The following VPS50 variants were observed in gnomAD, a reference collection of about 807,000 sequenced individuals.
The protein encoded by VPS50 is syndetin.
VPS50 carries 70 observed loss-of-function variants against 139.7 expected under a neutral mutation model. The ratio of observed to expected loss-of-function variants is 0.50; its 90% CI spans 0.41 to 0.61. VPS50 has a LOEUF of 0.61. Ranked by LOEUF, VPS50 falls within the 20% of genes least tolerant of loss-of-function variation. The pLI is 0.00. For synonymous variants in VPS50, 365 were observed against 376.7 expected (o/e 0.97, Z 0.36); for missense variants, 921 against 1,133.7 (o/e 0.81, Z 2.69).
Position 93,359,762 on chromosome 7 carries a change from G to T in VPS50, c.*1326G>T, listed in dbSNP as rs1798796661. On this transcript the variant is annotated 3_prime_UTR_variant, in exon 28 of 28. Transcript: ENST00000305866. ...ACAGAATGGCATGTGATCAAGCATG[G>T]AGGTGATAAGGAAACAATTGCTACT... 1 of 152,180 alleles carries T rather than the reference G, an allele frequency of 6.6e-6. No homozygotes were observed. Among genetic ancestry groups the T allele is most frequent in the Non-Finnish European group, 1.5e-5 (1 of 68,026 alleles). The allele number at this position is 152,180 out of a possible 1,614,324, so 9.4% of individuals were successfully genotyped here.
chr7:93,284,012 G>A (rs1479959018), intron 12 of VPS50, among the ~76,000 whole-genome samples: 1 of 152,122 alleles, frequency 6.6e-6, no homozygotes, highest in Non-Finnish European at 1.5e-5. Context: ...GGGTGTTCCA[G>A]GTCTGGCAAG....
chr7:93,350,143 C>A, intron 25 of VPS50, 110 bp downstream of exon 25: 2 of 657,244 alleles, frequency 3.0e-6, no homozygotes, highest in Non-Finnish European at 4.8e-6. Context: ...ACATTTCTAG[C>A]ATTGTGGTAT....
chr7:93,257,673 C>T (rs1161073327), intron 6 of VPS50: 4 of 382,486 alleles, frequency 1.0e-5, no homozygotes, highest in Non-Finnish European at 1.8e-5. Flanking sequence ...TAAAAAATTA[C>T]TATTTTTATA....
intron 20 of VPS50, chr7:93,320,612 G>C (rs1474822220): frequency 6.6e-6 from 1 of 152,350 alleles, no homozygotes; most frequent in Admixed American, 6.5e-5. Flanking sequence ...TGATCCGCCC[G>C]CCTCGGCCTC....
Position 93,323,748 on chromosome 7 carries a change from G to A in VPS50, c.1977+16G>A, listed in dbSNP as rs963922184. 3.7e-6 allele frequency: 5 copies of A among 1,354,626 alleles called. No individual in the cohort carries two copies. In the South Asian group the frequency reaches 6.2e-5, roughly 17 times the overall value. 83.9% of individuals were successfully genotyped at this position (1,354,626 alleles called of 1,614,324 possible). A position where few individuals can be genotyped will look rare whatever the true frequency, so the allele number is the denominator to read the frequency against. Reference sequence around the variant, plus strand: ...GAATGATTCAGTAAGTCCACCTTTAGAGGGAAAAAAATCTTTCTTTTAAAA... The same window carrying A: ...GAATGATTCAGTAAGTCCACCTTTAAAGGGAAAAAAATCTTTCTTTTAAAA... On this transcript the variant is annotated intron_variant, in intron 21 of 27. Transcript: ENST00000305866.
chr7:93,245,641 C>A (rs1795127716), intron 2 of VPS50, among the ~76,000 whole-genome samples: 1 of 151,752 alleles, frequency 6.6e-6, no homozygotes, highest in South Asian at 2.1e-4. Context: ...ATCCAATAAC[C>A]TTTTATTAAA....
chr7:93,290,058 C>T (rs972247221), intron 12 of VPS50, among the ~76,000 whole-genome samples: 1 of 151,878 alleles, frequency 6.6e-6, no homozygotes, highest in African/African-American at 2.4e-5. Context: ...ATGAGGGTTT[C>T]TCATTCAGTG....
intron 20 of VPS50, among the ~76,000 whole-genome samples, chr7:93,317,725 A>AT (rs1236582798): frequency 6.6e-6 from 1 of 152,166 alleles, no homozygotes; most frequent in Non-Finnish European, 1.5e-5. Flanking sequence ...CCTTTCTGTT[A>AT]TTTTCCTAAT....
intron 17 of VPS50, among the ~76,000 whole-genome samples, 184 bp downstream of exon 17, chr7:93,303,734 G>A (rs1187283353): frequency 6.6e-6 from 1 of 151,608 alleles, no homozygotes; most frequent in Non-Finnish European, 1.5e-5. Context: ...TCCTTTTATG[G>A]TTGCGAAAAA....
chr7:93,232,700 C>A (rs1026076369), intron 1 of VPS50, among the ~76,000 whole-genome samples, 200 bp downstream of exon 1: 1 of 152,140 alleles, frequency 6.6e-6, no homozygotes, highest in Non-Finnish European at 1.5e-5. Flanking sequence ...GGGTACCAGC[C>A]TCCCAGAAAT....
chr7:93,292,855 G>C (rs954383282), intron 13 of VPS50, among the ~76,000 whole-genome samples: 2 of 152,078 alleles, frequency 1.3e-5, no homozygotes, highest in African/African-American at 2.4e-5. Flanking sequence ...GGAAGGGAGA[G>C]AAAGGCAGAG....
Position 93,239,907 on chromosome 7 carries a change from C to T in VPS50, c.75C>T (p.Ala25=). 6.2e-7 allele frequency: 1 copy of T among 1,606,284 alleles called. No individual in the cohort carries two copies. The highest frequency in any genetic ancestry group is 8.5e-7 in the Non-Finnish European group (1 of 1,173,418). The change falls in exon 2 of 28, where the codon GCC becomes GCT. Residue 25 remains alanine, a synonymous_variant. Coordinates refer to ENST00000305866, the MANE Select transcript of VPS50 (RefSeq NM_017667.4). The part of the protein sequence containing the change: ...SPQESLSDLG[A]IESLRVPGKE... The stretch of plus-strand genomic sequence containing the variant: ...AAGAAAGCCTCAGTGATCTTGGTGC[C>T]ATAGAGAGTCTCCGGGTCCCTGGAA...
At chr7:93,345,130 T>C (rs982900096) in intron 23 of VPS50, among the ~76,000 whole-genome samples, 1 of 151,988 alleles carries the variant, frequency 6.6e-6, no homozygotes, top group African/African-American at 2.4e-5. Context: ...GATGCAATAA[T>C]AAATGATAAA....
chr7:93,334,759 T>C (rs139212922), intron 22 of VPS50, among the ~76,000 whole-genome samples: 2 of 152,322 alleles, frequency 1.3e-5, no homozygotes, highest in Non-Finnish European at 2.9e-5. Context: ...GAAATACATG[T>C]TTTAAGAAGA....
intron 12 of VPS50, among the ~76,000 whole-genome samples, chr7:93,287,026 C>T (rs1396177923): frequency 6.7e-6 from 1 of 149,158 alleles, no homozygotes; most frequent in Admixed American, 6.7e-5. Flanking sequence ...AAAACTACCC[C>T]ACCTTGCCTT....
In VPS50 at chr7:93,358,349, G is replaced by A; in HGVS notation, c.2808G>A (p.Val936=). ...EYSTKQLTNL[V]NVCLGSHINK... ...CAACGAAGCAGCTGACCAATCTGGT[G>A]AATGTTTGCCTGGGATCCCATATCA... The change falls in exon 28 of 28, where the codon GTG becomes GTA. Residue 936 remains valine, a synonymous_variant. Coordinates refer to ENST00000305866, the MANE Select transcript of VPS50 (RefSeq NM_017667.4). The A allele has an allele frequency of 6.2e-7, 1 of 1,612,852 alleles. No individual in the cohort carries two copies. Among genetic ancestry groups the A allele is most frequent in the Non-Finnish European group, 8.5e-7 (1 of 1,179,034 alleles).
intron 22 of VPS50, among the ~76,000 whole-genome samples, chr7:93,337,719 A>G (rs1798103360): frequency 6.6e-6 from 1 of 152,136 alleles, no homozygotes; most frequent in African/African-American, 2.4e-5. Context: ...TTGTTATACT[A>G]TTGGAGTATA....
chr7:93,327,116 TG>T (rs1797805148), intron 21 of VPS50, among the ~76,000 whole-genome samples: 1 of 152,190 alleles, frequency 6.6e-6, no homozygotes, highest in Admixed American at 6.5e-5. Flanking sequence ...CTTTGTCTTT[TG>T]GGCCATGCCT....
At chr7:93,312,700 T>A (rs1482812519) in intron 20 of VPS50, among the ~76,000 whole-genome samples, 1 of 152,124 alleles carries the variant, frequency 6.6e-6, no homozygotes, top group Non-Finnish European at 1.5e-5. Context: ...CTATCTTCCA[T>A]TTCTTCTAAT....
Sources: allele counts gnomAD v4.1 joint callset (sites outside exome capture counted in the v4.1 genomes callset), GRCh38; gene constraint gnomAD v4.1.1; transcripts MANE v1.5; gene names NCBI Gene and HGNC (gene_info 2026-07-23, HGNC 2026-07-21).